WLS: variants seen among roughly 807,000 people sequenced by gnomAD.
WLS encodes the protein Wnt ligand secretion mediator.
A neutral mutation model predicts 62.8 loss-of-function variants in WLS; 23 were observed. The ratio of observed to expected loss-of-function variants is 0.37; its 90% CI spans 0.26 to 0.52. WLS has a LOEUF of 0.52. Ranked by LOEUF, WLS falls within the 20% of genes least tolerant of loss-of-function variation. The probability of loss-of-function intolerance (pLI) is 0.92; values close to 1 mark genes in which losing one functional copy is unlikely to be tolerated. For synonymous variants in WLS, 246 were observed against 244.1 expected, an observed-to-expected ratio of 1.01 and a Z score of -0.07; for missense variants, 615 against 697.3, an observed-to-expected ratio of 0.88 and a Z score of 1.33.
At chr1:68,193,642 G>C (rs2100604458) in intron 2 of WLS, among the ~76,000 whole-genome samples, 1 of 152,182 alleles carries the variant, frequency 6.6e-6, no homozygotes, top group East Asian at 1.9e-4. Context: ...AGGTGGTGAA[G>C]CTTGGTGGTT....
intron 2 of WLS, chr1:68,183,678 T>G: frequency 3.3e-6 from 1 of 305,756 alleles, no homozygotes; most frequent in Non-Finnish European, 7.0e-6. Context: ...GATTGTTCCC[T>G]TTATTCCAGT....
intron 10 of WLS, among the ~76,000 whole-genome samples, chr1:68,140,860 A>C (rs1646675232): frequency 6.6e-6 from 1 of 152,118 alleles, no homozygotes; most frequent in South Asian, 2.1e-4. Flanking sequence ...TACCACAATG[A>C]GCAGCCTCAA....
At chr1:68,195,024 A>AACGTT (rs1423374172) in intron 1 of WLS, among the ~76,000 whole-genome samples, 6 of 152,252 alleles carry the variant, frequency 3.9e-5, no homozygotes, top group African/African-American at 1.4e-4. Flanking sequence ...AGAGGGAAGT[A>AACGTT]ACCACTGTTG....
chr1:68,101,135 A>G (rs911927404), intron 11 of WLS, among the ~76,000 whole-genome samples: 11 of 152,160 alleles, frequency 7.2e-5, no homozygotes, highest in Non-Finnish European at 1.6e-4. Flanking sequence ...TTTTGTTAGA[A>G]GTAAAGCTCT....
At chr1:68,111,233 C>T (rs1430710739) in intron 11 of WLS, among the ~76,000 whole-genome samples, 1 of 152,118 alleles carries the variant, frequency 6.6e-6, no homozygotes, top group African/African-American at 2.4e-5. Flanking sequence ...CCTTTGGGGA[C>T]CATAGATGAA....
At position 68,148,144 on chromosome 1, in the gene WLS, C is replaced by G. The variant is rs1646776783; in HGVS notation, c.1126G>C (p.Glu376Gln). 1 of 1,614,204 alleles carries G rather than the reference C, an allele frequency of 6.2e-7. No homozygotes were observed. The highest frequency in any genetic ancestry group is 8.5e-7 in the Non-Finnish European group (1 of 1,180,034). The change falls in exon 8 of 12, where the codon GAG becomes CAG. Residue 376 changes from glutamate to glutamine, a missense_variant. Physicochemically the swap from Glu to Gln is conservative, Grantham distance 29. Transcript: ENST00000262348. ...YSIWTTDIGT[E>Q]LAMAFIIVAG... ...CCATCAAGGAAGGATACGGCCAGCT[C>G]TGTTCCAATGTCTGTAGTCCAGATA...
At chr1:68,153,008 G>A (rs1646847847) in intron 5 of WLS, among the ~76,000 whole-genome samples, 1 of 152,176 alleles carries the variant, frequency 6.6e-6, no homozygotes, top group African/African-American at 2.4e-5. Flanking sequence ...GCTGGGTGTG[G>A]TGGCTCACAC....
At chr1:68,213,674 C>A (rs1184357599) in intron 1 of WLS, among the ~76,000 whole-genome samples, 2 of 151,894 alleles carry the variant, frequency 1.3e-5, no homozygotes, top group African/African-American at 4.8e-5. Context: ...AGGCCCATAC[C>A]AAACCCCCAT....
chr1:68,137,818 G>A lies in WLS; in HGVS notation c.1478C>T (p.Ala493Val). Residue 493 changes from alanine to valine, a missense_variant, in exon 11 of 12, where the codon GCA becomes GTA. Transcript: ENST00000262348. ...LYVFALMFLYAPSHKNYGEDQ... is the reference protein window; with the variant it reads ...LYVFALMFLYVPSHKNYGEDQ... ...TTCTCCATAGTTTTTATGGGATGGT[G>A]CATACAAGAACATCAGAGCAAAGAC... is the stretch of plus-strand genomic sequence containing the variant. 1 of 1,613,948 alleles carries A rather than the reference G, an allele frequency of 6.2e-7. No individual in the cohort carries two copies. The highest frequency in any genetic ancestry group is 8.5e-7 in the Non-Finnish European group (1 of 1,179,864).
intron 3 of WLS, among the ~76,000 whole-genome samples, chr1:68,157,600 C>T (rs1490517008): frequency 2.0e-5 from 3 of 149,706 alleles, no homozygotes; most frequent in African/African-American, 7.4e-5. Flanking sequence ...TTTAACTTCA[C>T]AATCCACCAG....
chr1:68,227,996 T>C (rs2772282), intron 1 of WLS, among the ~76,000 whole-genome samples: 2,033 of 152,270 alleles, frequency 0.013, 41 homozygotes, highest in African/African-American at 0.046. Context: ...TGCCTCCACT[T>C]AAACAATACT....
chr1:68,227,988 C>T (rs1650234984), intron 1 of WLS, among the ~76,000 whole-genome samples: 1 of 152,170 alleles, frequency 6.6e-6, no homozygotes, highest in Admixed American at 6.5e-5. Flanking sequence ...AGACCAGTTG[C>T]CTCCACTTAA....
chr1:68,211,754 C>T (rs1303836919), intron 1 of WLS, among the ~76,000 whole-genome samples: 1 of 152,148 alleles, frequency 6.6e-6, no homozygotes, highest in Non-Finnish European at 1.5e-5. Context: ...CACAAATCTG[C>T]CACCATGTGG....
Position 68,153,397 on chromosome 1 carries a change from G to A in WLS, c.803+120C>T, listed in dbSNP as rs546392545. On this transcript the variant is annotated intron_variant, in intron 5 of 11. Coordinates refer to ENST00000262348, the MANE Select transcript of WLS (RefSeq NM_024911.7). The stretch of plus-strand genomic sequence containing the variant: ...GAAAAAGGAGTCCAGGATGACTCCT[G>A]GTCAAATCACTGGCCTAAGTCACAC... The A allele has an allele frequency of 2.9e-6, 4 of 1,382,554 alleles. No homozygotes were observed. In the South Asian group the frequency reaches 4.2e-5, roughly 15 times the overall value. The allele number at this position is 1,382,554 out of a possible 1,614,324, so 85.6% of individuals were successfully genotyped here.
chr1:68,168,502 G>T (rs1647095987), intron 2 of WLS, among the ~76,000 whole-genome samples: 1 of 152,138 alleles, frequency 6.6e-6, no homozygotes, highest in African/African-American at 2.4e-5. Flanking sequence ...TAGTCCCAGG[G>T]TGGCTGGGTT....
intron 9 of WLS, 55 bp from the exon 10 acceptor site, chr1:68,144,707 A>C: frequency 7.1e-7 from 1 of 1,418,262 alleles, no homozygotes; most frequent in South Asian, 1.2e-5. Context: ...TCCTTTTCTC[A>C]CTATGTAAAT....
In WLS at chr1:68,125,580, A is replaced by G. The variant is rs921261456; in HGVS notation, c.*646T>C. The G allele has an allele frequency of 2.0e-6, 2 of 985,320 alleles. No homozygotes were observed. The highest frequency in any genetic ancestry group is 2.4e-6 in the Non-Finnish European group (2 of 829,928). 61.0% of individuals were successfully genotyped at this position (985,320 alleles called of 1,614,324 possible). A position where few individuals can be genotyped will look rare whatever the true frequency, so the allele number is the denominator to read the frequency against. On this transcript the variant is annotated 3_prime_UTR_variant, in exon 12 of 12. Coordinates refer to ENST00000262348, the MANE Select transcript of WLS (RefSeq NM_024911.7). The stretch of plus-strand genomic sequence containing the variant: ...AAACATTTTTTAAAACCCACATCCA[A>G]CAGATTGGTTAGTATTAGATACACA...
rs532540292 is a variant in WLS at position 68,219,255 on chromosome 1, A to G, written c.106+12939T>C. ...GTAGGGACCAAAATATATAACCCAG[A>G]CATAATAACAATCAGCATAACAGTA... On this transcript the variant is annotated intron_variant, in intron 1 of 11. Transcript: ENST00000262348. Among the ~76,000 whole-genome samples, 4 of 152,346 alleles carry G rather than the reference A, an allele frequency of 2.6e-5. No homozygotes were observed. The South Asian group carries it at 8.3e-4, about 32-fold the overall frequency.
At chr1:68,186,590 A>G (rs1465299078) in intron 2 of WLS, 1 of 455,966 alleles carries the variant, frequency 2.2e-6, no homozygotes. Context: ...GGAAGCCATC[A>G]TGTGTAATAG....
Sources: gnomAD v4.1 joint callset for allele counts (sites outside exome capture counted in the v4.1 genomes callset) on GRCh38, gnomAD v4.1.1 for gene constraint, MANE v1.5 for transcripts, NCBI Gene and HGNC (gene_info 2026-07-23, HGNC 2026-07-21) for gene names.